Variants in RBFOX1 observed in about 807,000 individuals in gnomAD.
The protein encoded by RBFOX1 is RNA binding protein fox-1 homolog 1.
Under a neutral mutation model 57.7 loss-of-function variants are expected in RBFOX1, and 8 were observed. The observed-to-expected ratio is 0.14, with a 90% CI of 0.08 to 0.25. RBFOX1 has a LOEUF of 0.25. Among genes scored for constraint, RBFOX1 ranks in the 10% least tolerant of loss-of-function variants. The pLI is 1.00. For synonymous variants in RBFOX1, 326 were observed against 222.4 expected (o/e 1.47, Z -4.15); for missense variants, 611 against 548.5 (o/e 1.11, Z -1.14).
At chr16:7,495,014 T>C (rs1044695769) in intron 4 of RBFOX1, among the ~76,000 whole-genome samples, 15 of 152,150 alleles carry the variant, frequency 9.9e-5, no homozygotes, top group African/African-American at 3.6e-4. Context: ...TGTTCCCTTA[T>C]TTATGACCGT....
rs546935848 is a variant in RBFOX1 at position 5,270,483 on chromosome 16, G to A, written c.219+30378G>A. On this transcript the variant is annotated intron_variant, in intron 1 of 2. Coordinates refer to the RBFOX1 transcript ENST00000585867. ...TGCCTGACTAACTTCTATGGCATGG[G>A]TCTTACCTGTGACAAAATATGTTCC... 136 of 715,702 alleles carry A rather than the reference G, an allele frequency of 1.9e-4. 1 individual carries two copies. The highest frequency in any genetic ancestry group is 3.2e-4 in the South Asian group (23 of 71,192). 44.3% of individuals were successfully genotyped at this position (715,702 alleles called of 1,614,324 possible).
intron 1 of RBFOX1, among the ~76,000 whole-genome samples, chr16:5,332,448 G>C (rs1189573732): frequency 6.6e-6 from 1 of 151,910 alleles, no homozygotes; most frequent in Non-Finnish European, 1.5e-5. Flanking sequence ...ATTTTTGGTA[G>C]AGATGGGGTT....
chr16:5,766,387 C>G (rs898594234), intron 3 of RBFOX1, among the ~76,000 whole-genome samples: 1 of 152,104 alleles, frequency 6.6e-6, no homozygotes, highest in Admixed American at 6.5e-5. Context: ...GAGATCAAGA[C>G]CATCCTGGCC....
intron 2 of RBFOX1, among the ~76,000 whole-genome samples, chr16:6,520,999 C>T (rs545424787): frequency 1.2e-4 from 18 of 152,096 alleles, no homozygotes; most frequent in South Asian, 2.1e-4. Flanking sequence ...ATAAATTTTC[C>T]GAAGGGTAAT....
At chr16:6,705,785 A>G (rs1457241076) in intron 3 of RBFOX1, among the ~76,000 whole-genome samples, 1 of 152,172 alleles carries the variant, frequency 6.6e-6, no homozygotes, top group Non-Finnish European at 1.5e-5. Flanking sequence ...TGGGAGCCCG[A>G]GGCAGGCAGA....
intron 3 of RBFOX1, among the ~76,000 whole-genome samples, chr16:6,992,591 G>A (rs1194880932): frequency 6.6e-6 from 1 of 152,052 alleles, no homozygotes; most frequent in Non-Finnish European, 1.5e-5. Context: ...TTTCTCTGTG[G>A]TGTAAAATGC....
chr16:7,287,658 A>C (rs1015423462), intron 4 of RBFOX1, among the ~76,000 whole-genome samples: 1 of 152,082 alleles, frequency 6.6e-6, no homozygotes, highest in East Asian at 1.9e-4. Flanking sequence ...TTGATTGACA[A>C]TTTTGAAAAA....
intron 4 of RBFOX1, among the ~76,000 whole-genome samples, chr16:5,919,273 C>T (rs1264216485): frequency 3.3e-5 from 5 of 152,192 alleles, no homozygotes; most frequent in African/African-American, 9.6e-5. Flanking sequence ...CCAGGTTAGA[C>T]AGTAAATCAT....
chr16:5,845,526 C>A (rs960178318), intron 3 of RBFOX1, among the ~76,000 whole-genome samples: 26 of 152,098 alleles, frequency 1.7e-4, no homozygotes, highest in African/African-American at 6.3e-4. Flanking sequence ...AGTGTGAATC[C>A]CCACTCTTAC....
At chr16:6,989,831 C>G (rs967906275) in intron 3 of RBFOX1, among the ~76,000 whole-genome samples, 1 of 151,648 alleles carries the variant, frequency 6.6e-6, no homozygotes, top group East Asian at 2.0e-4. Context: ...GAAATTCCAT[C>G]TCTACTAAAA....
At chr16:6,190,223 G>A (rs984998573) in intron 1 of RBFOX1, among the ~76,000 whole-genome samples, 3 of 152,104 alleles carry the variant, frequency 2.0e-5, no homozygotes, top group African/African-American at 7.2e-5. Context: ...ATGAATGAAG[G>A]GCAGTTATTT....
At chr16:6,767,957 AAGAAGAAG>A (rs1468504862) in intron 3 of RBFOX1, among the ~76,000 whole-genome samples, 2 of 101,320 alleles carry the variant, frequency 2.0e-5, no homozygotes, top group South Asian at 3.1e-4. Flanking sequence ...TAAGAAGAAG[AAGAAGAAG>A]AAGAAGAAGA....
intron 1 of RBFOX1, among the ~76,000 whole-genome samples, chr16:6,066,535 T>A (rs1233202665): frequency 2.6e-5 from 4 of 152,032 alleles, no homozygotes. Flanking sequence ...TCAACAGTAG[T>A]CCACGGTTGA....
chr16:6,520,029 A>G (rs552354852), intron 2 of RBFOX1, among the ~76,000 whole-genome samples: 25 of 152,256 alleles, frequency 1.6e-4, no homozygotes, highest in African/African-American at 5.5e-4. Flanking sequence ...TTGAGAACTC[A>G]TGGGCATGTT....
intron 2 of RBFOX1, among the ~76,000 whole-genome samples, chr16:6,354,884 C>T (rs1309062645): frequency 2.0e-5 from 3 of 152,168 alleles, no homozygotes; most frequent in South Asian, 4.2e-4. Flanking sequence ...ACTGGGAGTC[C>T]TGAGGTTACC....
At chr16:7,040,209 CG>C (rs1364610086) in intron 3 of RBFOX1, among the ~76,000 whole-genome samples, 1 of 151,672 alleles carries the variant, frequency 6.6e-6, no homozygotes, top group East Asian at 1.9e-4. Flanking sequence ...TTAGTAGAGA[CG>C]GGGTTTCACC....
At chr16:5,907,778 C>A (rs1780769257) in intron 4 of RBFOX1, among the ~76,000 whole-genome samples, 1 of 150,986 alleles carries the variant, frequency 6.6e-6, no homozygotes, top group Admixed American at 6.6e-5. Flanking sequence ...GAGATGGCAT[C>A]TTTTCTCTAT....
At chr16:5,324,654 C>T (rs1296038368) in intron 1 of RBFOX1, among the ~76,000 whole-genome samples, 1 of 152,140 alleles carries the variant, frequency 6.6e-6, no homozygotes, top group Non-Finnish European at 1.5e-5. Flanking sequence ...ATGTCCTTTG[C>T]AGGAACATAG....
intron 10 of RBFOX1, among the ~76,000 whole-genome samples, chr16:7,607,742 C>T (rs888387069): frequency 1.3e-5 from 2 of 152,154 alleles, no homozygotes; most frequent in Non-Finnish European, 2.9e-5. Context: ...AGCAGAGAGT[C>T]GAGTTGGCTT....
Sources: gnomAD v4.1 joint callset for allele counts (sites outside exome capture counted in the v4.1 genomes callset) on GRCh38, gnomAD v4.1.1 for gene constraint, MANE v1.5 for transcripts, NCBI Gene and HGNC (gene_info 2026-07-23, HGNC 2026-07-21) for gene names.